Variants in BFAR observed in about 807,000 individuals in gnomAD.
The protein encoded by BFAR is bifunctional apoptosis regulator, also known as RING finger protein 47.
Under a neutral mutation model 54.4 loss-of-function variants are expected in BFAR, and 52 were observed. The ratio of observed to expected loss-of-function variants is 0.96; its 90% CI spans 0.77 to 1.21. The LOEUF (loss-of-function observed/expected upper bound fraction) is 1.21, where lower values mean the gene tolerates loss of function less well. Ranked by LOEUF, BFAR falls within the 50% of genes most tolerant of loss-of-function variation. BFAR has a pLI of 0.00. For missense variants in BFAR, 571 were observed against 534.0 expected, an observed-to-expected ratio of 1.07 and a Z score of -0.68; for synonymous variants, 215 against 204.3, an observed-to-expected ratio of 1.05 and a Z score of -0.45.
chr16:14,649,768 T>C (rs1959912358), intron 3 of BFAR, 36 bp from the exon 4 acceptor site: 2 of 1,538,556 alleles, frequency 1.3e-6, no homozygotes, highest in South Asian at 2.5e-5. Flanking sequence ...CATCTCTGCC[T>C]CTCCATGGTT....
intron 5 of BFAR, among the ~76,000 whole-genome samples, chr16:14,659,244 G>GTTTTTTTTTTTTTTTTTTTTTTT (rs1404121780): frequency 7.1e-6 from 1 of 141,280 alleles, no homozygotes; most frequent in Non-Finnish European, 1.5e-5. Context: ...GTTTTTTTTT[G>GTTTTTTTTTTTTTTTTTTTTTTT]TTTTTTGTTT....
chr16:14,663,629 C>T (rs1238937504), intron 6 of BFAR, among the ~76,000 whole-genome samples: 1 of 152,060 alleles, frequency 6.6e-6, no homozygotes, highest in Non-Finnish European at 1.5e-5. Context: ...CTGTACCTGG[C>T]CATCATCAGG....
intron 5 of BFAR, among the ~76,000 whole-genome samples, chr16:14,656,144 G>A (rs1425143640): frequency 1.3e-4 from 20 of 151,964 alleles, no homozygotes; most frequent in Non-Finnish European, 1.9e-4. Context: ...TTGAGGCTGC[G>A]GTAGCCGAGA....
chr16:14,663,566 C>G (rs1335125102), intron 6 of BFAR, among the ~76,000 whole-genome samples: 6 of 150,450 alleles, frequency 4.0e-5, no homozygotes, highest in Non-Finnish European at 8.9e-5. Flanking sequence ...CTCCTGACCT[C>G]GTAATCCGCC....
At chr16:14,656,468 C>A (rs942649273) in intron 5 of BFAR, among the ~76,000 whole-genome samples, 1 of 148,302 alleles carries the variant, frequency 6.7e-6, no homozygotes, top group African/African-American at 2.5e-5. Context: ...CCAGCCTGGG[C>A]AAGAGAGTTG....
intron 5 of BFAR, among the ~76,000 whole-genome samples, chr16:14,659,234 G>GTTTTT (rs1468503605): frequency 7.0e-6 from 1 of 142,878 alleles, no homozygotes; most frequent in African/African-American, 2.6e-5. Context: ...GGTTTTTTTT[G>GTTTTT]TTTTTTTTTG....
intron 6 of BFAR, among the ~76,000 whole-genome samples, chr16:14,663,702 A>G (rs1960357514): frequency 6.6e-6 from 1 of 152,126 alleles, no homozygotes. Flanking sequence ...CACAAAAAAA[A>G]TTACCTTTTT....
At chr16:14,640,223 C>T (rs1381033667) in intron 1 of BFAR, among the ~76,000 whole-genome samples, 2 of 150,828 alleles carry the variant, frequency 1.3e-5, no homozygotes, top group Non-Finnish European at 2.9e-5. Flanking sequence ...AGCTAACTAG[C>T]CTAAAGCCAA....
At chr16:14,663,266 G>A (rs1210288844) in intron 6 of BFAR, among the ~76,000 whole-genome samples, 2 of 152,142 alleles carry the variant, frequency 1.3e-5, no homozygotes, top group African/African-American at 4.8e-5. Flanking sequence ...AGAGGCGTGA[G>A]CCACTGCACC....
intron 7 of BFAR, among the ~76,000 whole-genome samples, chr16:14,665,669 G>T (rs1960422234): frequency 6.6e-6 from 1 of 152,130 alleles, no homozygotes; most frequent in African/African-American, 2.4e-5. Flanking sequence ...CATCAAGGCT[G>T]TTTCACCAAA....
At chr16:14,654,381 TAG>T (rs1419540072) in intron 4 of BFAR, among the ~76,000 whole-genome samples, 1 of 151,180 alleles carries the variant, frequency 6.6e-6, no homozygotes, top group Non-Finnish European at 1.5e-5. Context: ...TAAATAAAAA[TAG>T]AGTAATATGT....
chr16:14,641,430 ATAAT>A (rs888437923), intron 1 of BFAR, among the ~76,000 whole-genome samples: 6 of 152,222 alleles, frequency 3.9e-5, no homozygotes, highest in African/African-American at 1.4e-4. Context: ...TAATTAGTTA[ATAAT>A]TAATAACCAG....
At chr16:14,645,655 C>T (rs571923812) in intron 2 of BFAR, among the ~76,000 whole-genome samples, 1 of 152,216 alleles carries the variant, frequency 6.6e-6, no homozygotes, top group East Asian at 1.9e-4. Context: ...TTACACTTTG[C>T]TCTTACCTGT....
chr16:14,666,511 G>C (rs1960445011), intron 7 of BFAR, among the ~76,000 whole-genome samples: 1 of 152,146 alleles, frequency 6.6e-6, no homozygotes, highest in African/African-American at 2.4e-5. Context: ...GGTGGAGGTT[G>C]CAGTGAGCTA....
At position 14,648,541 on chromosome 16, in the gene BFAR, G is replaced by C; in HGVS notation, c.417G>C (p.Gln139His). 6.2e-7 allele frequency: 1 copy of C among 1,614,078 alleles called. No individual in the cohort carries two copies. Among genetic ancestry groups the C allele is most frequent in the Non-Finnish European group, 8.5e-7 (1 of 1,179,980 alleles). Residue 139 changes from glutamine to histidine, a missense_variant, in exon 3 of 8, where the codon CAG becomes CAC. By Grantham distance (24) the Gln-to-His change is conservative. Coordinates refer to ENST00000261658, the MANE Select transcript of BFAR (RefSeq NM_016561.3). ...LAPNTGRANQ[Q>H]MGGGFFSGVL... is the part of the protein sequence containing the mutation. ...CTAACACAGGCCGAGCGAATCAGCA[G>C]ATGGGAGGGGGATTCTTTTCCGGTG... is the stretch of plus-strand genomic sequence containing the variant.
intron 1 of BFAR, among the ~76,000 whole-genome samples, chr16:14,635,987 T>C (rs1212793915): frequency 6.6e-6 from 1 of 152,222 alleles, no homozygotes; most frequent in Non-Finnish European, 1.5e-5. Flanking sequence ...TTGCGGTTCC[T>C]GAACCTTGCC....
At chr16:14,667,539 T>C (rs1960474872) in intron 7 of BFAR, 96 bp from the exon 8 acceptor site, 4 of 1,182,214 alleles carry the variant, frequency 3.4e-6, no homozygotes, top group East Asian at 2.3e-5. Flanking sequence ...CGGGCAGCCA[T>C]GCTCTTCCCA....
At chr16:14,646,124 T>C (rs1382827883) in intron 2 of BFAR, among the ~76,000 whole-genome samples, 5 of 152,166 alleles carry the variant, frequency 3.3e-5, no homozygotes, top group African/African-American at 1.2e-4. Context: ...TGATCTCGAC[T>C]TACCACAACC....
intron 3 of BFAR, 54 bp downstream of exon 3, chr16:14,648,646 C>T: frequency 8.3e-7 from 1 of 1,203,542 alleles, no homozygotes; most frequent in Non-Finnish European, 1.2e-6. Flanking sequence ...CCCCCGACCC[C>T]TGATTTCCAC....
Sources: gnomAD v4.1 joint callset for allele counts (sites outside exome capture counted in the v4.1 genomes callset) on GRCh38, gnomAD v4.1.1 for gene constraint, MANE v1.5 for transcripts, NCBI Gene and HGNC (gene_info 2026-07-23, HGNC 2026-07-21) for gene names.